Variants in ITGB3 observed in about 807,000 individuals in gnomAD.
The protein encoded by ITGB3 is integrin beta-3.
Under a neutral mutation model 85.8 loss-of-function variants are expected in ITGB3, and 48 were observed. The observed-to-expected ratio is 0.56, with a 90% CI of 0.44 to 0.71. ITGB3 has a LOEUF of 0.71. Among genes scored for constraint, ITGB3 ranks in the 30% least tolerant of loss-of-function variants. The probability of loss-of-function intolerance (pLI) is 0.00; values close to 1 mark genes in which losing one functional copy is unlikely to be tolerated. For missense variants in ITGB3, 861 were observed against 1,019.1 expected (o/e 0.84, Z 2.11); for synonymous variants, 363 against 395.6 (o/e 0.92, Z 0.98).
At chr17:47,257,452 A>G (rs1296365562) in intron 1 of ITGB3, among the ~76,000 whole-genome samples, 4 of 152,248 alleles carry the variant, frequency 2.6e-5, no homozygotes, top group Non-Finnish European at 4.4e-5. Flanking sequence ...TAAGACTTCA[A>G]GTTCCATGAG....
intron 1 of ITGB3, among the ~76,000 whole-genome samples, chr17:47,256,726 C>T (rs776189202): frequency 3.3e-5 from 5 of 152,168 alleles, no homozygotes; most frequent in Non-Finnish European, 5.9e-5. Context: ...ATTTTATGTA[C>T]AAAGATGATC....
At chr17:47,292,082 A>G in intron 9 of ITGB3, 57 bp from the exon 10 acceptor site, 1 of 1,576,316 alleles carries the variant, frequency 6.3e-7, no homozygotes, top group Non-Finnish European at 8.7e-7. Flanking sequence ...TTTCCTCCAG[A>G]GCTGGAGTGT....
chr17:47,260,713 G>A (rs1038778765), intron 1 of ITGB3, among the ~76,000 whole-genome samples: 1 of 152,116 alleles, frequency 6.6e-6, no homozygotes, highest in African/African-American at 2.4e-5. Context: ...TTTCCTTTCT[G>A]GGACTTCCAC....
At chr17:47,291,145 T>TG in intron 9 of ITGB3, 57 bp downstream of exon 9, 1 of 1,609,832 alleles carries the variant, frequency 6.2e-7, no homozygotes, top group South Asian at 1.1e-5. Flanking sequence ...CCCAACCCCC[T>TG]TTCTTCCTTT....
rs751454497 is a variant in ITGB3 at position 47,292,579 on chromosome 17, C to CT, written c.1690+12dup. ...GGGAGATGTGCTCAGGTGAGGAGAACTGCAGGGCCCCCTGTCCTGGAACCC... is the reference window on the plus strand; with the variant it reads ...GGGAGATGTGCTCAGGTGAGGAGAACTTGCAGGGCCCCCTGTCCTGGAACCC... On this transcript the variant is annotated intron_variant, in intron 10 of 14. Coordinates refer to ENST00000559488, the MANE Select transcript of ITGB3 (RefSeq NM_000212.3). 8.1e-6 allele frequency: 13 copies of CT among 1,599,792 alleles called. No homozygotes were observed. The highest frequency in any genetic ancestry group is 7.6e-6 in the Non-Finnish European group (9 of 1,179,788).
At chr17:47,255,002 G>A (rs760166719) in intron 1 of ITGB3, among the ~76,000 whole-genome samples, 3 of 151,716 alleles carry the variant, frequency 2.0e-5, no homozygotes, top group East Asian at 3.9e-4. Context: ...TTTTTGAGAC[G>A]GAGTCTTGCT....
intron 1 of ITGB3, among the ~76,000 whole-genome samples, chr17:47,266,232 G>A (rs780560357): frequency 6.6e-6 from 1 of 152,184 alleles, no homozygotes; most frequent in Non-Finnish European, 1.5e-5. Context: ...CTTTCTGGCA[G>A]AGTGATAGAT....
intron 1 of ITGB3, among the ~76,000 whole-genome samples, chr17:47,263,552 C>T (rs574183807): frequency 6.2e-4 from 91 of 145,636 alleles, no homozygotes; most frequent in African/African-American, 2.3e-3. Context: ...TGCAGTGGCA[C>T]GATCTTGGCT....
Position 47,310,656 on chromosome 17 carries a change from A to C in ITGB3, c.*452A>C, listed in dbSNP as rs2065210613. ...CAAGCCTTGGCTCTACCCTGAGTTC[A>C]TAAATTTATGGTTCTCAGGCCTGAC... On this transcript the variant is annotated 3_prime_UTR_variant, in exon 15 of 15. Transcript: ENST00000559488. The C allele has an allele frequency of 3.9e-6, 1 of 254,736 alleles. No individual in the cohort carries two copies. Among genetic ancestry groups the C allele is most frequent in the Admixed American group, 4.6e-5 (1 of 21,808 alleles). 15.8% of individuals were successfully genotyped at this position (254,736 alleles called of 1,614,324 possible). A position where few individuals can be genotyped will look rare whatever the true frequency, so the allele number is the denominator to read the frequency against.
chr17:47,292,184 A>C lies in ITGB3; in HGVS notation c.1306A>C (p.Lys436Gln), dbSNP rs767028211. Residue 436 changes from lysine to glutamine, a missense_variant, in exon 10 of 15, where the codon AAG becomes CAG. Coordinates refer to ENST00000559488, the MANE Select transcript of ITGB3 (RefSeq NM_000212.3). ...EAKVRGCPQE[K>Q]EKSFTIKPVG... ...CAAGGTGCGAGGCTGTCCCCAGGAG[A>C]AGGAGAAGTCCTTTACCATAAAGCC... 8 of 1,614,178 alleles carry C rather than the reference A, an allele frequency of 5.0e-6. No homozygotes were observed. Among genetic ancestry groups the C allele is most frequent in the Non-Finnish European group, 6.8e-6 (8 of 1,180,014 alleles).
rs145220859 is a variant in ITGB3 at position 47,268,009 on chromosome 17, C to T, written c.80-6410C>T. 3.4e-3 allele frequency among the ~76,000 whole-genome samples: 516 copies of T among 152,246 alleles called. 1 individual carries two copies. Among genetic ancestry groups the T allele is most frequent in the Non-Finnish European group, 6.0e-3 (407 of 68,022 alleles). On this transcript the variant is annotated intron_variant, in intron 1 of 14. Transcript: ENST00000559488. ...ATCATGGTGGAAGGGGAAGCAAACA[C>T]GTCCTTCTTCACATGGTGGCAGGAA...
chr17:47,289,594 C>A, intron 6 of ITGB3, 87 bp from the exon 7 acceptor site: 1 of 973,330 alleles, frequency 1.0e-6, no homozygotes, highest in Non-Finnish European at 1.7e-6. Flanking sequence ...CACTCTGAGC[C>A]ACAGCCCAAG....
At chr17:47,289,850 A>C in intron 7 of ITGB3, 74 bp downstream of exon 7, 1 of 1,025,250 alleles carries the variant, frequency 9.8e-7, no homozygotes, top group Non-Finnish European at 1.6e-6. Flanking sequence ...CTGTGCTAGC[A>C]TTGGATACAG....
At chr17:47,268,204 A>C (rs965385329) in intron 1 of ITGB3, among the ~76,000 whole-genome samples, 4 of 152,106 alleles carry the variant, frequency 2.6e-5, no homozygotes, top group Non-Finnish European at 5.9e-5. Context: ...ACTACAATTC[A>C]AGAGGAGATT....
chr17:47,306,052 AAGTGATAAGTC>A (rs1430176370), intron 13 of ITGB3, among the ~76,000 whole-genome samples: 4 of 152,230 alleles, frequency 2.6e-5, no homozygotes, highest in Non-Finnish European at 5.9e-5. Flanking sequence ...TATAAAAGTT[AAGTGATAAGTC>A]AGGATTCAAA....
At chr17:47,282,507 CT>C (rs1299086619) in intron 2 of ITGB3, among the ~76,000 whole-genome samples, 7 of 152,210 alleles carry the variant, frequency 4.6e-5, no homozygotes, top group African/African-American at 1.7e-4. Context: ...GGAAACTAGG[CT>C]TGGAGGAATT....
chr17:47,269,821 CCAT>C (rs2143055650), intron 1 of ITGB3, among the ~76,000 whole-genome samples: 2 of 152,312 alleles, frequency 1.3e-5, no homozygotes, highest in African/African-American at 4.8e-5. Context: ...CTCCACTCTA[CCAT>C]TGCCAATTTA....
At position 47,302,723 on chromosome 17, in the gene ITGB3, G is replaced by A. The variant is rs1178042414; in HGVS notation, c.2017G>A (p.Asp673Asn). 1 of 1,614,106 alleles carries A rather than the reference G, an allele frequency of 6.2e-7. No homozygotes were observed. Among genetic ancestry groups the A allele is most frequent in the South Asian group, 1.1e-5 (1 of 91,074 alleles). The change falls in exon 13 of 15, where the codon GAC becomes AAC. Residue 673 changes from aspartate (D) to asparagine (N), a missense_variant and splice_region_variant. Coordinates refer to ENST00000559488, the MANE Select transcript of ITGB3 (RefSeq NM_000212.3). ...TCCTCCATTTTCCCTACTCCCAGAG[G>A]ACACTGGCAAGGATGCAGTGAATTG... is the stretch of plus-strand genomic sequence containing the variant. ...DEIESVKELK[D>N]TGKDAVNCTY...
intron 1 of ITGB3, among the ~76,000 whole-genome samples, chr17:47,258,764 CG>C (rs1449309833): frequency 6.6e-6 from 1 of 152,162 alleles, no homozygotes; most frequent in African/African-American, 2.4e-5. Context: ...CTTTTGTAAT[CG>C]ATACCCTACC....
Sources: gnomAD v4.1 joint callset for allele counts (sites outside exome capture counted in the v4.1 genomes callset) on GRCh38, gnomAD v4.1.1 for gene constraint, MANE v1.5 for transcripts, NCBI Gene and HGNC (gene_info 2026-07-23, HGNC 2026-07-21) for gene names.